DLG2: variants seen among roughly 807,000 people sequenced by gnomAD.
DLG2 encodes the protein discs large MAGUK scaffold protein 2.
Under a neutral mutation model 132.5 loss-of-function variants are expected in DLG2, and 45 were observed. The ratio of observed to expected loss-of-function variants is 0.34; its 90% CI spans 0.27 to 0.44. The LOEUF is 0.44. Ranked by LOEUF, DLG2 falls within the 20% of genes least tolerant of loss-of-function variation. DLG2 has a pLI of 1.00. For missense variants in DLG2, 1,045 were observed against 1,196.9 expected (o/e 0.87, Z 1.87); for synonymous variants, 424 against 419.6 (o/e 1.01, Z -0.13).
At chr11:84,218,105 T>A (rs1437500843) in intron 8 of DLG2, among the ~76,000 whole-genome samples, 2 of 151,972 alleles carry the variant, frequency 1.3e-5, no homozygotes, top group African/African-American at 4.8e-5. Context: ...GAGGTGGAAA[T>A]TGCGGTGAGC....
At chr11:84,487,617 T>C (rs2099154262) in intron 7 of DLG2, among the ~76,000 whole-genome samples, 1 of 152,202 alleles carries the variant, frequency 6.6e-6, no homozygotes. Context: ...CTGTAAGTTC[T>C]GTAAGATACA....
intron 6 of DLG2, chr11:84,936,849 T>C (rs1336049873): frequency 6.6e-6 from 1 of 152,164 alleles, no homozygotes; most frequent in African/African-American, 2.4e-5. Flanking sequence ...GGTTTTCAAA[T>C]GAATTATAAA....
At chr11:84,587,374 T>C (rs1289421260) in intron 6 of DLG2, among the ~76,000 whole-genome samples, 5 of 152,172 alleles carry the variant, frequency 3.3e-5, no homozygotes, top group African/African-American at 1.2e-4. Context: ...TCCATCATTA[T>C]ATCTGACATC....
At chr11:85,501,299 C>A (rs1043601921) in intron 3 of DLG2, among the ~76,000 whole-genome samples, 2 of 152,134 alleles carry the variant, frequency 1.3e-5, no homozygotes, top group Non-Finnish European at 2.9e-5. Flanking sequence ...AACATAAGAC[C>A]TAGGACCATA....
intron 6 of DLG2, among the ~76,000 whole-genome samples, chr11:84,915,807 CATT>C (rs2154080226): frequency 7.2e-6 from 1 of 138,934 alleles, no homozygotes; most frequent in African/African-American, 2.6e-5. Context: ...GAACGGCTAA[CATT>C]CATTCATTCA....
chr11:84,774,351 TA>T (rs1192701599), intron 6 of DLG2, among the ~76,000 whole-genome samples: 2 of 152,084 alleles, frequency 1.3e-5, no homozygotes, highest in Non-Finnish European at 2.9e-5. Context: ...TCAATATCAT[TA>T]AAATGGCCAT....
chr11:85,123,229 G>A (rs964436437), intron 5 of DLG2, among the ~76,000 whole-genome samples: 17 of 151,348 alleles, frequency 1.1e-4, no homozygotes, highest in African/African-American at 3.2e-4. Flanking sequence ...CGCCCGCCTC[G>A]GCCTCCCAAA....
At chr11:84,020,345 T>C (rs1190948792) in intron 11 of DLG2, among the ~76,000 whole-genome samples, 1 of 152,172 alleles carries the variant, frequency 6.6e-6, no homozygotes, top group African/African-American at 2.4e-5. Flanking sequence ...GATATGTGTG[T>C]ATATATATTC....
At chr11:85,176,948 A>G (rs1595099740) in intron 4 of DLG2, among the ~76,000 whole-genome samples, 1 of 152,228 alleles carries the variant, frequency 6.6e-6, no homozygotes, top group East Asian at 1.9e-4. Context: ...TATTAAAGTC[A>G]AGAAACAACA....
intron 6 of DLG2, among the ~76,000 whole-genome samples, chr11:84,839,955 A>G (rs1039344664): frequency 1.3e-5 from 2 of 152,184 alleles, no homozygotes; most frequent in Non-Finnish European, 2.9e-5. Context: ...CTAAAACACC[A>G]AAAGCAATGG....
At chr11:84,328,898 A>G (rs2098445851) in intron 7 of DLG2, among the ~76,000 whole-genome samples, 1 of 152,104 alleles carries the variant, frequency 6.6e-6, no homozygotes, top group African/African-American at 2.4e-5. Context: ...TTGCTTTTGT[A>G]TTTATGCATT....
intron 6 of DLG2, among the ~76,000 whole-genome samples, chr11:84,616,977 C>T (rs10160778): frequency 6.7e-6 from 1 of 149,604 alleles, no homozygotes; most frequent in African/African-American, 2.5e-5. Context: ...CTCCTCTCTT[C>T]CCTTTCTTTT....
chr11:83,573,115 C>A (rs1479280758), intron 19 of DLG2, among the ~76,000 whole-genome samples: 1 of 152,074 alleles, frequency 6.6e-6, no homozygotes, highest in Non-Finnish European at 1.5e-5. Context: ...ATTAATAAAT[C>A]TTTTGGTTTA....
intron 6 of DLG2, among the ~76,000 whole-genome samples, chr11:84,926,478 A>C (rs1418084188): frequency 6.6e-6 from 1 of 152,020 alleles, no homozygotes; most frequent in Non-Finnish European, 1.5e-5. Flanking sequence ...ATGTGGAAAG[A>C]TGTCCAAGTT....
At chr11:85,192,110 C>T (rs564175520) in intron 4 of DLG2, among the ~76,000 whole-genome samples, 5 of 152,256 alleles carry the variant, frequency 3.3e-5, no homozygotes, top group South Asian at 2.1e-4. Context: ...TGGTGGAATT[C>T]GCGTACAGGC....
intron 19 of DLG2, among the ~76,000 whole-genome samples, chr11:83,554,293 T>C (rs775761345): frequency 6.6e-6 from 1 of 152,234 alleles, no homozygotes; most frequent in African/African-American, 2.4e-5. Context: ...ATTGACAACA[T>C]GTTTGGCAAC....
intron 4 of DLG2, among the ~76,000 whole-genome samples, chr11:85,280,459 T>C (rs1421752931): frequency 1.3e-5 from 2 of 152,094 alleles, no homozygotes; most frequent in Non-Finnish European, 2.9e-5. Flanking sequence ...TTACTCTTGA[T>C]TGTTCTGCTA....
At chr11:83,957,432 G>A (rs1049635535) in intron 14 of DLG2, among the ~76,000 whole-genome samples, 1 of 152,120 alleles carries the variant, frequency 6.6e-6, no homozygotes, top group South Asian at 2.1e-4. Flanking sequence ...CTTGCTCTGA[G>A]ATATAGCTCG....
At chr11:84,036,247 T>G (rs2095859793) in intron 11 of DLG2, among the ~76,000 whole-genome samples, 1 of 152,124 alleles carries the variant, frequency 6.6e-6, no homozygotes, top group Non-Finnish European at 1.5e-5. Context: ...GTAATTTCCT[T>G]ATCTAAACTT....
Sources: gnomAD v4.1 joint callset for allele counts (sites outside exome capture counted in the v4.1 genomes callset) on GRCh38, gnomAD v4.1.1 for gene constraint, MANE v1.5 for transcripts, NCBI Gene and HGNC (gene_info 2026-07-23, HGNC 2026-07-21) for gene names.